EPB41L4B: variants seen among roughly 807,000 people sequenced by gnomAD.
The protein encoded by EPB41L4B is band 4.1-like protein 4B.
In EPB41L4B, 30 loss-of-function variants were observed where a neutral mutation model predicts 112.5. The observed-to-expected ratio is 0.27, with a 90% CI of 0.20 to 0.36. EPB41L4B has a LOEUF of 0.36. Among genes scored for constraint, EPB41L4B ranks in the 10% least tolerant of loss-of-function variants. EPB41L4B has a pLI of 1.00. For synonymous variants in EPB41L4B, 408 were observed against 439.7 expected, an observed-to-expected ratio of 0.93 and a Z score of 0.90; for missense variants, 1,024 against 1,133.3, an observed-to-expected ratio of 0.90 and a Z score of 1.38.
At chr9:109,260,914 G>C (rs993994750) in intron 6 of EPB41L4B, among the ~76,000 whole-genome samples, 1 of 152,154 alleles carries the variant, frequency 6.6e-6, no homozygotes, top group Admixed American at 6.5e-5. Flanking sequence ...CTCATCCTCT[G>C]ATCTTTCAGG....
At chr9:109,195,052 G>C (rs1832594088) in intron 20 of EPB41L4B, among the ~76,000 whole-genome samples, 1 of 152,124 alleles carries the variant, frequency 6.6e-6, no homozygotes, top group African/African-American at 2.4e-5. Context: ...TGGACACTTG[G>C]CTTGTTCCCA....
At chr9:109,226,712 AATAT>A (rs1207588886) in intron 15 of EPB41L4B, among the ~76,000 whole-genome samples, 2 of 137,632 alleles carry the variant, frequency 1.5e-5, no homozygotes, top group Non-Finnish European at 1.6e-5. Flanking sequence ...ATATATGAAG[AATAT>A]ATATATGAAG....
At chr9:109,295,282 A>C (rs980865647) in intron 1 of EPB41L4B, among the ~76,000 whole-genome samples, 1 of 152,202 alleles carries the variant, frequency 6.6e-6, no homozygotes, top group Non-Finnish European at 1.5e-5. Flanking sequence ...TTTGAACATC[A>C]AAGCTAACTT....
At chr9:109,187,006 C>T (rs1588120696) in intron 22 of EPB41L4B, among the ~76,000 whole-genome samples, 2 of 152,134 alleles carry the variant, frequency 1.3e-5, no homozygotes, top group Non-Finnish European at 2.9e-5. Context: ...TAGCACCATG[C>T]GCCCAGCAGA....
chr9:109,183,789 G>A (rs1238922757), intron 23 of EPB41L4B, among the ~76,000 whole-genome samples: 3 of 152,204 alleles, frequency 2.0e-5, no homozygotes, highest in African/African-American at 2.4e-5. Flanking sequence ...TGTGTGTCTC[G>A]AGGTCTTGCC....
intron 2 of EPB41L4B, among the ~76,000 whole-genome samples, chr9:109,271,050 G>A (rs980685655): frequency 6.6e-6 from 1 of 152,228 alleles, no homozygotes; most frequent in Non-Finnish European, 1.5e-5. Flanking sequence ...CGAAATTGCT[G>A]TTTGGGCTCT....
intron 3 of EPB41L4B, among the ~76,000 whole-genome samples, chr9:109,268,000 C>T (rs1835467844): frequency 1.3e-5 from 2 of 152,188 alleles, no homozygotes; most frequent in African/African-American, 4.8e-5. Flanking sequence ...AATGTGGTTT[C>T]CACACCTGTA....
intron 1 of EPB41L4B, among the ~76,000 whole-genome samples, chr9:109,315,272 C>T (rs1249143172): frequency 6.7e-6 from 1 of 149,202 alleles, no homozygotes; most frequent in Non-Finnish European, 1.5e-5. Flanking sequence ...TTTTCACTGG[C>T]TGTGAAGAGA....
intron 1 of EPB41L4B, chr9:109,301,121 C>T (rs1836949325): frequency 1.3e-5 from 2 of 152,180 alleles, no homozygotes; most frequent in Non-Finnish European, 1.5e-5. Context: ...AAACACAAAA[C>T]AAACCCTCTT....
intron 5 of EPB41L4B, 99 bp downstream of exon 5, chr9:109,264,881 T>C (rs1226031849): frequency 8.7e-7 from 1 of 1,150,606 alleles, no homozygotes; most frequent in East Asian, 2.6e-5. Context: ...TTTTTGAATT[T>C]TGAAAAGGGA....
chr9:109,236,919 C>G (rs137995724), intron 15 of EPB41L4B, among the ~76,000 whole-genome samples: 1 of 152,112 alleles, frequency 6.6e-6, no homozygotes, highest in Non-Finnish European at 1.5e-5. Context: ...TTTCCTGGTA[C>G]GTTTGGAAGA....
At position 109,185,552 on chromosome 9, in the gene EPB41L4B, G is replaced by A. The variant is rs768227664; in HGVS notation, c.2355C>T (p.Leu785=). The part of the protein sequence containing the change: ...HCAHSRCSPP[L]SLPMKEETTG... ...TGGTCTCTTCCTTCATGGGGAGAGA[G>A]AGTGGAGGAGAACAGCGAGAGTGGG... Residue 785 remains leucine, a synonymous_variant, in exon 23 of 26, where the codon CTC becomes CTT. Coordinates refer to ENST00000374566, the MANE Select transcript of EPB41L4B (RefSeq NM_019114.5). 1.1e-5 allele frequency: 18 copies of A among 1,613,264 alleles called. No homozygotes were observed. The East Asian group carries it at 1.3e-4, about 12-fold the overall frequency.
At chr9:109,174,953 G>C (rs2118561697) in intron 25 of EPB41L4B, among the ~76,000 whole-genome samples, 1 of 115,830 alleles carries the variant, frequency 8.6e-6, no homozygotes, top group South Asian at 2.8e-4. Context: ...GTCTCACTCT[G>C]TCACCCAGGC....
intron 14 of EPB41L4B, 51 bp from the exon 15 acceptor site, chr9:109,243,733 G>A: frequency 1.3e-6 from 2 of 1,573,994 alleles, no homozygotes; most frequent in Non-Finnish European, 1.7e-6. Context: ...TAATTTCAAT[G>A]GTCCTCATTC....
At chr9:109,186,478 T>C (rs1248686306) in intron 22 of EPB41L4B, among the ~76,000 whole-genome samples, 7 of 151,726 alleles carry the variant, frequency 4.6e-5, no homozygotes, top group African/African-American at 1.7e-4. Context: ...TGAGCTACCA[T>C]GCCATATTTT....
chr9:109,305,910 C>T (rs778817000), intron 1 of EPB41L4B, among the ~76,000 whole-genome samples: 1 of 151,578 alleles, frequency 6.6e-6, no homozygotes, highest in African/African-American at 2.4e-5. Flanking sequence ...GGTGGCAGAG[C>T]GAGACTCTGT....
intron 1 of EPB41L4B, among the ~76,000 whole-genome samples, chr9:109,309,759 G>C (rs917421831): frequency 1.0e-3 from 83 of 83,414 alleles, no homozygotes; most frequent in African/African-American, 2.9e-3. Context: ...CACACACAGA[G>C]AGAGAGAGAG....
intron 1 of EPB41L4B, among the ~76,000 whole-genome samples, chr9:109,286,436 C>G (rs911384393): frequency 1.3e-5 from 2 of 152,140 alleles, no homozygotes; most frequent in African/African-American, 4.8e-5. Flanking sequence ...ACCTAGGGAA[C>G]TGTGTGCACT....
chr9:109,225,028 A>G (rs925996106), intron 15 of EPB41L4B, among the ~76,000 whole-genome samples: 2 of 152,184 alleles, frequency 1.3e-5, no homozygotes, highest in African/African-American at 2.4e-5. Flanking sequence ...ACTCATCAGG[A>G]AAATCCAAGT....
Sources: allele counts gnomAD v4.1 joint callset (sites outside exome capture counted in the v4.1 genomes callset), GRCh38; gene constraint gnomAD v4.1.1; transcripts MANE v1.5; gene names NCBI Gene and HGNC (gene_info 2026-07-23, HGNC 2026-07-21).